Variants in ITGA8 observed in about 807,000 individuals in gnomAD.
ITGA8 encodes integrin alpha-8.
ITGA8 carries 91 observed loss-of-function variants against 142.3 expected under a neutral mutation model. The ratio of observed to expected loss-of-function variants is 0.64; its 90% confidence interval spans 0.54 to 0.76. The LOEUF (loss-of-function observed/expected upper bound fraction) is 0.76, where lower values mean the gene tolerates loss of function less well. Among genes scored for constraint, ITGA8 ranks in the 30% least tolerant of loss-of-function variants. The pLI, the probability that ITGA8 is intolerant of heterozygous loss-of-function variation, is 0.00. For synonymous variants in ITGA8, 505 were observed against 485.2 expected, an observed-to-expected ratio of 1.04 and a Z score of -0.54; for missense variants, 1,406 against 1,327.7, an observed-to-expected ratio of 1.06 and a Z score of -0.92.
chr10:15,540,797 G>A (rs1262698371), intron 27 of ITGA8, among the ~76,000 whole-genome samples: 2 of 152,116 alleles, frequency 1.3e-5, no homozygotes, highest in Non-Finnish European at 2.9e-5. Flanking sequence ...AACAAGACCT[G>A]GTATAGACAG....
intron 5 of ITGA8, among the ~76,000 whole-genome samples, chr10:15,678,227 A>T (rs1588717970): frequency 6.6e-6 from 1 of 152,244 alleles, no homozygotes; most frequent in Non-Finnish European, 1.5e-5. Flanking sequence ...TAAACAGTTT[A>T]TACGTTGATG....
intron 20 of ITGA8, among the ~76,000 whole-genome samples, chr10:15,598,181 C>A (rs1833040309): frequency 6.6e-6 from 1 of 152,090 alleles, no homozygotes; most frequent in Admixed American, 6.6e-5. Flanking sequence ...GATATATTAT[C>A]CATCACCTTT....
Position 15,516,759 on chromosome 10 carries a change from A to G in ITGA8, c.*399T>C, listed in dbSNP as rs1481889641. On this transcript the variant is annotated 3_prime_UTR_variant, in exon 30 of 30. Coordinates refer to ENST00000378076, the MANE Select transcript of ITGA8 (RefSeq NM_003638.3). Reference sequence around the variant, plus strand: ...GTGTGGTCTTAGTTCTAAGTTCTATAGTAAATCAGTCATTTCACCTTAGTT... The same window carrying G: ...GTGTGGTCTTAGTTCTAAGTTCTATGGTAAATCAGTCATTTCACCTTAGTT... The G allele has an allele frequency of 1.8e-5, 3 of 163,052 alleles. No homozygotes were observed. Among genetic ancestry groups the G allele is most frequent in the South Asian group, 1.7e-4 (1 of 5,752 alleles). The allele number at this position is 163,052 out of a possible 1,614,324, so 10.1% of individuals were successfully genotyped here. A position where few individuals can be genotyped will look rare whatever the true frequency, so the allele number is the denominator to read the frequency against.
intron 12 of ITGA8, among the ~76,000 whole-genome samples, chr10:15,646,446 C>T (rs1239836042): frequency 6.6e-6 from 1 of 152,124 alleles, no homozygotes; most frequent in Non-Finnish European, 1.5e-5. Flanking sequence ...TTACCTGGAG[C>T]TCTGAAGACT....
intron 6 of ITGA8, among the ~76,000 whole-genome samples, chr10:15,673,035 A>T (rs1043598375): frequency 6.6e-6 from 1 of 152,148 alleles, no homozygotes; most frequent in South Asian, 2.1e-4. Context: ...GTGGAGGCCA[A>T]ATTTGCAAGT....
intron 13 of ITGA8, among the ~76,000 whole-genome samples, chr10:15,642,001 G>A (rs544581634): frequency 2.6e-5 from 4 of 152,062 alleles, no homozygotes; most frequent in Non-Finnish European, 4.4e-5. Flanking sequence ...GGTGGCACAC[G>A]CCTGTAGTCC....
rs5783459 is a variant in ITGA8 at position 15,616,742 on chromosome 10, CA to C, written c.1400-184del. ...AAGGATGTTGGAGCTTCACTATAACCAACTTAATAAAACGTCCATCAGTGGA... is the reference window on the plus strand; with the variant it reads ...AAGGATGTTGGAGCTTCACTATAACCACTTAATAAAACGTCCATCAGTGGA... On this transcript the variant is annotated intron_variant, in intron 13 of 29. Transcript: ENST00000378076. 0.67 allele frequency among the ~76,000 whole-genome samples: 102,039 copies of C among 152,024 alleles called. 35,498 individuals are homozygous for C. The highest frequency in any genetic ancestry group is 0.86 in the South Asian group (4,139 of 4,810).
chr10:15,532,418 C>CAAAA (rs35130036), intron 27 of ITGA8, among the ~76,000 whole-genome samples: 1 of 27,824 alleles, frequency 3.6e-5, no homozygotes, highest in African/African-American at 2.1e-4. Context: ...GACTCCCTCT[C>CAAAA]AAAAAAAAAA....
intron 22 of ITGA8, among the ~76,000 whole-genome samples, chr10:15,591,416 T>C (rs1353102676): frequency 2.5e-5 from 2 of 80,106 alleles, no homozygotes; most frequent in African/African-American, 6.1e-5. Context: ...TATATTATAT[T>C]ATATTATATT....
intron 25 of ITGA8, among the ~76,000 whole-genome samples, chr10:15,561,810 T>C (rs979736338): frequency 6.6e-6 from 1 of 152,170 alleles, no homozygotes; most frequent in Non-Finnish European, 1.5e-5. Flanking sequence ...CACACCCCTA[T>C]AAAGAACTGT....
At chr10:15,640,816 G>A (rs72779987) in intron 13 of ITGA8, among the ~76,000 whole-genome samples, 1 of 152,336 alleles carries the variant, frequency 6.6e-6, no homozygotes, top group Non-Finnish European at 1.5e-5. Context: ...GGCTAACAGA[G>A]GACGAAGAGG....
intron 17 of ITGA8, 108 bp downstream of exon 17, chr10:15,607,569 C>G: frequency 9.6e-7 from 1 of 1,046,256 alleles, no homozygotes; most frequent in South Asian, 1.5e-5. Context: ...AAAATGAAAA[C>G]AGACAGATGG....
intron 13 of ITGA8, among the ~76,000 whole-genome samples, chr10:15,623,844 T>C (rs1173636593): frequency 6.6e-6 from 1 of 152,154 alleles, no homozygotes; most frequent in East Asian, 1.9e-4. Context: ...TGCCCAAATG[T>C]CACCCATGCT....
At chr10:15,661,231 T>G (rs1422050321) in intron 8 of ITGA8, among the ~76,000 whole-genome samples, 3 of 152,108 alleles carry the variant, frequency 2.0e-5, no homozygotes, top group African/African-American at 7.2e-5. Context: ...TGGCATTATG[T>G]TCTCACCAGA....
intron 14 of ITGA8, among the ~76,000 whole-genome samples, chr10:15,615,550 GTCT>G (rs1284112981): frequency 6.6e-6 from 1 of 152,166 alleles, no homozygotes; most frequent in African/African-American, 2.4e-5. Flanking sequence ...GTCTCACTCT[GTCT>G]TCCAGGCTGG....
rs1833987051 is a variant in ITGA8 at position 15,646,743 on chromosome 10, A to G, written c.1207+103T>C. On this transcript the variant is annotated intron_variant, in intron 12 of 29. Transcript: ENST00000378076. The stretch of plus-strand genomic sequence containing the variant: ...AGTTTATTAAAAATCAGTAATAATA[A>G]CTGCACCCACACACACCATACTGAA... 6.7e-6 allele frequency: 5 copies of G among 744,888 alleles called. No homozygotes were observed. In the Admixed American group the frequency reaches 1.3e-4, roughly 20 times the overall value. The allele number at this position is 744,888 out of a possible 1,614,324, so 46.1% of individuals were successfully genotyped here. A position where few individuals can be genotyped will look rare whatever the true frequency, so the allele number is the denominator to read the frequency against.
intron 25 of ITGA8, among the ~76,000 whole-genome samples, chr10:15,559,688 T>C (rs1588644209): frequency 6.6e-6 from 1 of 152,078 alleles, no homozygotes; most frequent in African/African-American, 2.4e-5. Context: ...TGGATGGAAC[T>C]GGAAGCCATT....
intron 28 of ITGA8, among the ~76,000 whole-genome samples, chr10:15,530,430 T>C (rs1434320268): frequency 6.7e-6 from 1 of 148,976 alleles, no homozygotes; most frequent in African/African-American, 2.5e-5. Flanking sequence ...CCTGTAGTCC[T>C]AGCTACTCGG....
At chr10:15,709,018 G>T (rs1441796509) in intron 2 of ITGA8, among the ~76,000 whole-genome samples, 2 of 152,166 alleles carry the variant, frequency 1.3e-5, no homozygotes, top group Non-Finnish European at 1.5e-5. Flanking sequence ...GGTCTGCTTT[G>T]ACCTCATAAA....
Sources: gnomAD v4.1 joint callset for allele counts (sites outside exome capture counted in the v4.1 genomes callset) on GRCh38, gnomAD v4.1.1 for gene constraint, MANE v1.5 for transcripts, NCBI Gene and HGNC (gene_info 2026-07-23, HGNC 2026-07-21) for gene names.